KIT: variants seen among roughly 807,000 people sequenced by gnomAD.
The protein encoded by KIT is KIT proto-oncogene, receptor tyrosine kinase.
KIT carries 16 observed loss-of-function variants against 105.7 expected under a neutral mutation model. The ratio of observed to expected loss-of-function variants is 0.15; its 90% confidence interval spans 0.10 to 0.23. The LOEUF (loss-of-function observed/expected upper bound fraction) is 0.23, where lower values mean the gene tolerates loss of function less well. KIT is among the 10% of genes least tolerant of loss of function. The pLI, the probability that KIT is intolerant of heterozygous loss-of-function variation, is 1.00. For missense variants in KIT, 858 were observed against 1,213.8 expected (o/e 0.71, Z 4.36); for synonymous variants, 438 against 441.1 (o/e 0.99, Z 0.09).
At chr4:54,673,897 G>A (rs1458826635) in intron 1 of KIT, among the ~76,000 whole-genome samples, 1 of 152,126 alleles carries the variant, frequency 6.6e-6, no homozygotes, top group Non-Finnish European at 1.5e-5. Context: ...AGCCTCCCGA[G>A]TAGCTGGGAT....
At chr4:54,694,124 C>T (rs1410780970) in intron 1 of KIT, among the ~76,000 whole-genome samples, 1 of 152,176 alleles carries the variant, frequency 6.6e-6, no homozygotes, top group Non-Finnish European at 1.5e-5. Flanking sequence ...TCTGGTTTCA[C>T]TCCACGTAGT....
Position 54,698,424 on chromosome 4 carries a change from T to A in KIT, c.478T>A (p.Leu160Met), listed in dbSNP as rs763226471. The change falls in exon 3 of 21, where the codon TTG becomes ATG. Residue 160 changes from leucine to methionine, a missense_variant. This residue lies in a region of KIT where 401 missense variants were observed against 601.0 expected (regional missense o/e 0.67). Transcript: ENST00000288135. ...GCQGKPLPKD[L>M]RFIPDPKAGI... ...CCAGGGGAAGCCTCTTCCCAAGGAC[T>A]TGAGGTTTATTCCTGACCCCAAGGC... The A allele has an allele frequency of 8.7e-6, 14 of 1,614,058 alleles. No individual in the cohort carries two copies. The South Asian group carries it at 1.5e-4, about 18-fold the overall frequency.
chr4:54,720,141 G>C (rs1437341666), intron 7 of KIT, among the ~76,000 whole-genome samples: 1 of 152,012 alleles, frequency 6.6e-6, no homozygotes, highest in Non-Finnish European at 1.5e-5. Context: ...CCTTTAAAAA[G>C]GTACATTGCT....
intron 1 of KIT, among the ~76,000 whole-genome samples, chr4:54,670,670 A>T (rs1398630466): frequency 1.3e-5 from 2 of 152,132 alleles, no homozygotes; most frequent in African/African-American, 2.4e-5. Flanking sequence ...CAGAAACCAG[A>T]ATTCTTTTTC....
At chr4:54,738,369 C>T (rs2109817394) in intron 20 of KIT, 60 bp from the exon 21 acceptor site, 1 of 1,593,760 alleles carries the variant, frequency 6.3e-7, no homozygotes, top group Non-Finnish European at 8.6e-7. Context: ...GTAAGTATGC[C>T]TTTTGTTGCT....
Position 54,699,683 on chromosome 4 carries a change from G to A in KIT, c.673G>A (p.Glu225Lys), listed in dbSNP as rs1330251750. The A allele has an allele frequency of 4.3e-6, 7 of 1,613,980 alleles. No individual in the cohort carries two copies. The highest frequency in any genetic ancestry group is 5.1e-6 in the Non-Finnish European group (6 of 1,179,880). The change falls in exon 4 of 21, where the codon GAA becomes AAA. Residue 225 changes from glutamate to lysine, a missense_variant. Physicochemically the swap from Glu to Lys is moderately conservative, Grantham distance 56 (BLOSUM62 1). Coordinates refer to ENST00000288135, the MANE Select transcript of KIT (RefSeq NM_000222.3). ...GTCCAAAGCAAGCTATCTTCTTAGG[G>A]AAGGGGAAGAATTCACAGTGACGTG... Reference protein sequence around the residue: ...SVSKASYLLREGEEFTVTCTI... With the variant: ...SVSKASYLLRKGEEFTVTCTI...
intron 1 of KIT, among the ~76,000 whole-genome samples, chr4:54,680,992 G>A (rs1718869930): frequency 6.6e-6 from 1 of 152,154 alleles, no homozygotes; most frequent in Admixed American, 6.5e-5. Flanking sequence ...CCTTTTGTAT[G>A]TCCTAGGTCT....
At chr4:54,659,458 C>A (rs562591140) in intron 1 of KIT, among the ~76,000 whole-genome samples, 1 of 152,334 alleles carries the variant, frequency 6.6e-6, no homozygotes, top group African/African-American at 2.4e-5. Flanking sequence ...TAGCTGGAAT[C>A]AAGCGCTTGA....
chr4:54,692,513 T>A (rs151302244), intron 1 of KIT, among the ~76,000 whole-genome samples: 3 of 152,294 alleles, frequency 2.0e-5, no homozygotes, highest in African/African-American at 7.2e-5. Flanking sequence ...ATCCATCAGA[T>A]CAACCCATGA....
intron 1 of KIT, among the ~76,000 whole-genome samples, chr4:54,679,756 ATAATAT>A (rs141478421): frequency 2.3e-3 from 353 of 152,364 alleles, no homozygotes; most frequent in Non-Finnish European, 3.7e-3. Flanking sequence ...CCTTAGGGAA[ATAATAT>A]TAATAAAATG....
intron 1 of KIT, among the ~76,000 whole-genome samples, chr4:54,676,843 G>T (rs1038701278): frequency 1.3e-5 from 2 of 152,084 alleles, no homozygotes; most frequent in Admixed American, 1.3e-4. Context: ...CTCTGCAGGA[G>T]CTGCCCTTCT....
chr4:54,698,854 C>T (rs1256562474), intron 3 of KIT, among the ~76,000 whole-genome samples: 3 of 152,310 alleles, frequency 2.0e-5, no homozygotes, highest in Admixed American at 6.5e-5. Flanking sequence ...ATCAAGTACT[C>T]GTTCTAAGGG....
intron 1 of KIT, among the ~76,000 whole-genome samples, chr4:54,683,685 G>A (rs1057451802): frequency 4.6e-5 from 7 of 152,192 alleles, no homozygotes; most frequent in East Asian, 1.9e-4. Flanking sequence ...AGCTTGAGTC[G>A]TTGCTGCTGG....
chr4:54,684,829 G>A (rs935792165), intron 1 of KIT, among the ~76,000 whole-genome samples: 1 of 152,180 alleles, frequency 6.6e-6, no homozygotes, highest in African/African-American at 2.4e-5. Context: ...AGCTCTGGTG[G>A]TTCCGACATG....
Position 54,709,500 on chromosome 4 carries a change from G to A in KIT, c.1192G>A (p.Asp398Asn). ...GTYTFLVSNS[D>N]VNAAIAFNVY... is the part of the protein sequence containing the mutation. ...TTACACATTCCTAGTGTCCAATTCT[G>A]ACGTCAATGCTGCCATAGCATTTAA... is the stretch of plus-strand genomic sequence containing the variant. Residue 398 changes from aspartate to asparagine, a missense_variant, in exon 7 of 21, where the codon GAC becomes AAC. By Grantham distance (23) the Asp-to-Asn change is conservative. Transcript: ENST00000288135. The A allele has an allele frequency of 6.2e-7, 1 of 1,612,958 alleles. No homozygotes were observed. The highest frequency in any genetic ancestry group is 8.5e-7 in the Non-Finnish European group (1 of 1,178,912).
chr4:54,708,497 T>G (rs1272520103), intron 6 of KIT, among the ~76,000 whole-genome samples: 1 of 152,152 alleles, frequency 6.6e-6, no homozygotes, highest in Non-Finnish European at 1.5e-5. Flanking sequence ...ACTTACTGGC[T>G]GCAGACCTGG....
At chr4:54,711,827 G>T (rs1279647052) in intron 7 of KIT, among the ~76,000 whole-genome samples, 2 of 151,570 alleles carry the variant, frequency 1.3e-5, no homozygotes, top group Non-Finnish European at 2.9e-5. Flanking sequence ...GGAGGCTGAG[G>T]CAGGAGAATC....
chr4:54,709,061 G>A (rs898430235), intron 6 of KIT, among the ~76,000 whole-genome samples: 2 of 151,952 alleles, frequency 1.3e-5, no homozygotes, highest in Non-Finnish European at 2.9e-5. Context: ...AGGACACTGT[G>A]GAGAGCAGGC....
chr4:54,697,929 T>C (rs1002868130), intron 2 of KIT, among the ~76,000 whole-genome samples: 1 of 152,166 alleles, frequency 6.6e-6, no homozygotes, highest in African/African-American at 2.4e-5. Context: ...GGACTTGGGT[T>C]TGAGTTCCAA....
Sources: gnomAD v4.1 joint callset for allele counts (sites outside exome capture counted in the v4.1 genomes callset) on GRCh38, gnomAD v4.1.1 for gene constraint, gnomAD v4.1.1 regional missense constraint, MANE v1.5 for transcripts, NCBI Gene and HGNC (gene_info 2026-07-23, HGNC 2026-07-21) for gene names.